Variants in EFEMP1 observed in about 807,000 individuals in gnomAD.
EFEMP1 encodes the protein EGF-like fibulin extracellular matrix protein 1.
In EFEMP1, 18 loss-of-function variants were observed where a neutral mutation model predicts 65.7. The observed-to-expected ratio is 0.27, with a 90% CI of 0.19 to 0.41. The LOEUF (loss-of-function observed/expected upper bound fraction) is 0.41, where lower values mean the gene tolerates loss of function less well. EFEMP1 is among the 10% of genes least tolerant of loss of function. The pLI is 1.00. For synonymous variants in EFEMP1, 237 were observed against 219.7 expected (o/e 1.08, Z -0.70); for missense variants, 469 against 624.8 (o/e 0.75, Z 2.66).
intron 6 of EFEMP1, among the ~76,000 whole-genome samples, chr2:55,879,683 G>GTCCA (rs143596262): frequency 0.043 from 6,583 of 152,206 alleles, 448 homozygotes; most frequent in African/African-American, 0.15. Context: ...AGAAAGGAGT[G>GTCCA]TATGGGACAC....
At position 55,918,079 on chromosome 2, in the gene EFEMP1, A is replaced by C. The variant is rs753353169; in HGVS notation, c.131-28T>G. On this transcript the variant is annotated intron_variant, in intron 4 of 11. Coordinates refer to ENST00000355426, the MANE Select transcript of EFEMP1 (RefSeq NM_001039348.3). The stretch of plus-strand genomic sequence containing the variant: ...GTGGTCAGTAATAAAATAAGTCAGG[A>C]ATCTTCTAAGAGGGAAAAATCAAAC... The C allele has an allele frequency of 3.7e-6, 6 of 1,614,056 alleles. No homozygotes were observed. In the East Asian group the frequency reaches 1.3e-4, roughly 36 times the overall value.
chr2:55,897,103 A>G (rs1669855251), intron 5 of EFEMP1, among the ~76,000 whole-genome samples: 1 of 152,206 alleles, frequency 6.6e-6, no homozygotes, highest in South Asian at 2.1e-4. Context: ...GAAGTCACTA[A>G]AATGGGACTT....
At chr2:55,892,854 C>T (rs1009314526) in intron 5 of EFEMP1, among the ~76,000 whole-genome samples, 7 of 152,078 alleles carry the variant, frequency 4.6e-5, no homozygotes, top group African/African-American at 1.7e-4. Flanking sequence ...CCAAACTCTA[C>T]GTTCTTAGAT....
At chr2:55,878,847 T>C (rs1463277803) in intron 6 of EFEMP1, among the ~76,000 whole-genome samples, 2 of 152,142 alleles carry the variant, frequency 1.3e-5, no homozygotes, top group Non-Finnish European at 2.9e-5. Context: ...TTGGGAGGGT[T>C]ACAAGACATA....
intron 5 of EFEMP1, among the ~76,000 whole-genome samples, chr2:55,887,227 G>A (rs560057031): frequency 6.6e-6 from 1 of 152,246 alleles, no homozygotes; most frequent in African/African-American, 2.4e-5. Flanking sequence ...TCAAACACCA[G>A]ATTTCCATTT....
In EFEMP1 at chr2:55,922,334, T is replaced by G. The variant is rs369880782; in HGVS notation, c.81+26A>C. The G allele has an allele frequency of 2.0e-4, 315 of 1,609,242 alleles. No homozygotes were observed. Among genetic ancestry groups the G allele is most frequent in the Middle Eastern group, 1.2e-3 (7 of 6,052 alleles). ...GTCACAGAATCCCGCTGAACCGTAC[T>G]TATTTCAAATTCCATCACCCCTTAC... On this transcript the variant is annotated intron_variant, in intron 3 of 11. Coordinates refer to ENST00000355426, the MANE Select transcript of EFEMP1 (RefSeq NM_001039348.3). The surrounding 1 kb of genome is among the most constrained non-coding windows in gnomAD (Gnocchi z 5.5).
At chr2:55,888,908 A>G (rs901462739) in intron 5 of EFEMP1, among the ~76,000 whole-genome samples, 3 of 152,060 alleles carry the variant, frequency 2.0e-5, no homozygotes, top group South Asian at 4.1e-4. Flanking sequence ...TGACATTTCA[A>G]TTGTGTTTTC....
chr2:55,901,237 G>A (rs148584760), intron 5 of EFEMP1, among the ~76,000 whole-genome samples: 9 of 152,260 alleles, frequency 5.9e-5, no homozygotes, highest in Admixed American at 1.3e-4. Context: ...TAAAGCAAGA[G>A]CAGTGTTTAT....
At chr2:55,896,097 G>A (rs1483294818) in intron 5 of EFEMP1, among the ~76,000 whole-genome samples, 2 of 152,192 alleles carry the variant, frequency 1.3e-5, no homozygotes, top group African/African-American at 2.4e-5. Context: ...GCCTCAACTT[G>A]TTGAAGGTAG....
At chr2:55,888,544 G>A (rs1436025735) in intron 5 of EFEMP1, among the ~76,000 whole-genome samples, 1 of 151,894 alleles carries the variant, frequency 6.6e-6, no homozygotes, top group South Asian at 2.1e-4. Context: ...TCACTATGTT[G>A]GCCAGGCTGG....
chr2:55,908,119 A>G (rs1291445824), intron 5 of EFEMP1, among the ~76,000 whole-genome samples: 1 of 152,178 alleles, frequency 6.6e-6, no homozygotes, highest in Non-Finnish European at 1.5e-5. Flanking sequence ...TTGGGACAAG[A>G]TCAGAAAACT....
intron 8 of EFEMP1, 80 bp from the exon 9 acceptor site, chr2:55,875,145 T>TCA (rs1553349760): frequency 4.1e-5 from 19 of 461,422 alleles, no homozygotes; most frequent in African/African-American, 6.6e-5. Context: ...TATATATAAA[T>TCA]TATATATATA....
chr2:55,912,818 A>G (rs984299903), intron 5 of EFEMP1, among the ~76,000 whole-genome samples: 2 of 152,194 alleles, frequency 1.3e-5, no homozygotes, highest in East Asian at 1.9e-4. Flanking sequence ...TAGGTGAAAC[A>G]TAGTATTTAA....
rs1182924389 is a variant in EFEMP1, at chr2:55,873,085, C to CACACACAG, written c.1000+1860_1000+1861insCTGTGTGT. On this transcript the variant is annotated intron_variant, in intron 9 of 11. Coordinates refer to ENST00000355426, the MANE Select transcript of EFEMP1 (RefSeq NM_001039348.3). The surrounding 1 kb of genome is among the most constrained non-coding windows in gnomAD (Gnocchi z 4.6). ...CTCTCTCCACACACACACACACACA[C>CACACACAG]ACACACACACACACACAGTTTTCAT... Among the ~76,000 whole-genome samples the CACACACAG allele has an allele frequency of 3.3e-5, 5 of 151,602 alleles. No homozygotes were observed. The highest frequency in any genetic ancestry group is 5.9e-5 in the Non-Finnish European group (4 of 67,840).
At chr2:55,875,322 T>G (rs1175361570) in intron 8 of EFEMP1, among the ~76,000 whole-genome samples, 1 of 131,740 alleles carries the variant, frequency 7.6e-6, no homozygotes. Context: ...TTAAGTTGCC[T>G]GGGTTTCATA....
At chr2:55,918,174 A>T in intron 4 of EFEMP1, 45 bp downstream of exon 4, 3 of 1,613,304 alleles carry the variant, frequency 1.9e-6, no homozygotes, top group Non-Finnish European at 2.5e-6. Context: ...CAAGAGATGG[A>T]GACAGAAGGC....
chr2:55,870,749 C>T lies in EFEMP1; in HGVS notation c.1291G>A (p.Gly431Arg). ...NTINTFRIKS[G>R]NENGEFYLRQ... The stretch of plus-strand genomic sequence containing the variant: ...AGGTAGAACTCTCCATTTTCATTTC[C>T]AGATTTAATCCGAAAAGTATTGATG... The change falls in exon 11 of 12, where the codon GGA becomes AGA. Residue 431 changes from glycine (G) to arginine (R), a missense_variant. Physicochemically the swap from Gly to Arg is moderately radical, Grantham distance 125 (BLOSUM62 -2). Coordinates refer to ENST00000355426, the MANE Select transcript of EFEMP1 (RefSeq NM_001039348.3). This position sits in a 1 kb window ranked among gnomAD's most constrained non-coding sequence, Gnocchi z 5.8. The T allele has an allele frequency of 1.9e-6, 3 of 1,613,644 alleles. No homozygotes were observed. Among genetic ancestry groups the T allele is most frequent in the Non-Finnish European group, 2.5e-6 (3 of 1,179,720 alleles).
chr2:55,906,544 G>A (rs1301610086), intron 5 of EFEMP1, among the ~76,000 whole-genome samples: 1 of 152,088 alleles, frequency 6.6e-6, no homozygotes, highest in African/African-American at 2.4e-5. Context: ...ATCTTTACCA[G>A]CTTGTATGGG....
rs1171097042 is a variant in EFEMP1, at chr2:55,921,424, GTTTTC to G, written c.81+931_81+935del. Among the ~76,000 whole-genome samples, 1 of 152,150 alleles carries G rather than the reference GTTTTC, an allele frequency of 6.6e-6. No individual in the cohort carries two copies. Among genetic ancestry groups the G allele is most frequent in the Non-Finnish European group, 1.5e-5 (1 of 68,010 alleles). The stretch of plus-strand genomic sequence containing the variant: ...AATTGACATTAGTTCATTTTTAAGA[GTTTTC>G]TTTTCAAAAATTTTTCACATTCTTT... On this transcript the variant is annotated intron_variant, in intron 3 of 11. Coordinates refer to ENST00000355426, the MANE Select transcript of EFEMP1 (RefSeq NM_001039348.3). The surrounding 1 kb of genome is among the most constrained non-coding windows in gnomAD (Gnocchi z 4.1).
Sources: gnomAD v4.1 joint callset for allele counts (sites outside exome capture counted in the v4.1 genomes callset) on GRCh38, gnomAD v4.1.1 for gene constraint, Gnocchi (gnomAD v3.1) non-coding constraint, MANE v1.5 for transcripts, NCBI Gene and HGNC (gene_info 2026-07-23, HGNC 2026-07-21) for gene names.